FAF1: variants seen among roughly 807,000 people sequenced by gnomAD.
FAF1 encodes the protein Fas associated factor 1, also known as FAS-associated factor 1.
FAF1 carries 25 observed loss-of-function variants against 92.5 expected under a neutral mutation model. The observed-to-expected ratio is 0.27, with a 90% CI of 0.20 to 0.38. The LOEUF (loss-of-function observed/expected upper bound fraction) is 0.38, where lower values mean the gene tolerates loss of function less well. Ranked by LOEUF, FAF1 falls within the 10% of genes least tolerant of loss-of-function variation. The pLI, the probability that FAF1 is intolerant of heterozygous loss-of-function variation, is 1.00. For synonymous variants in FAF1, 234 were observed against 273.2 expected, an observed-to-expected ratio of 0.86 and a Z score of 1.42; for missense variants, 636 against 793.3, an observed-to-expected ratio of 0.80 and a Z score of 2.38.
intron 17 of FAF1, among the ~76,000 whole-genome samples, chr1:50,486,807 G>C (rs1646774790): frequency 6.6e-6 from 1 of 152,106 alleles, no homozygotes; most frequent in African/African-American, 2.4e-5. Context: ...TAAATATTGA[G>C]TGAATAAAAG....
At chr1:50,622,114 G>A (rs1040476823) in intron 8 of FAF1, among the ~76,000 whole-genome samples, 1 of 147,788 alleles carries the variant, frequency 6.8e-6, no homozygotes, top group African/African-American at 2.5e-5. Context: ...GCAGTGAGCC[G>A]AGATTACACC....
At chr1:50,905,702 A>G (rs145001798) in intron 1 of FAF1, among the ~76,000 whole-genome samples, 1,523 of 152,234 alleles carry the variant, frequency 0.01, 35 homozygotes, top group East Asian at 0.014. Flanking sequence ...GTCTGTTAAT[A>G]TCCTTCACCC....
chr1:50,927,782 C>T (rs1645017845), intron 1 of FAF1, among the ~76,000 whole-genome samples: 1 of 152,050 alleles, frequency 6.6e-6, no homozygotes, highest in Non-Finnish European at 1.5e-5. Context: ...CAGCAGTTTG[C>T]GTGTCTTCTG....
chr1:50,721,743 C>T (rs530862157), intron 6 of FAF1, among the ~76,000 whole-genome samples: 1 of 152,088 alleles, frequency 6.6e-6, no homozygotes, highest in Non-Finnish European at 1.5e-5. Flanking sequence ...TCCATCTCAG[C>T]CTCCCAAGTA....
At chr1:50,952,449 G>A (rs903594298) in intron 1 of FAF1, among the ~76,000 whole-genome samples, 5 of 152,172 alleles carry the variant, frequency 3.3e-5, no homozygotes, top group East Asian at 1.9e-4. Context: ...GCGTGATCTC[G>A]GCTCGCTACA....
chr1:50,887,474 T>C (rs1408138484), intron 1 of FAF1, among the ~76,000 whole-genome samples: 1 of 152,230 alleles, frequency 6.6e-6, no homozygotes, highest in Non-Finnish European at 1.5e-5. Flanking sequence ...TGAATGGTAT[T>C]GCCTACATTT....
intron 2 of FAF1, 55 bp from the exon 3 acceptor site, chr1:50,801,732 T>TTCTCCACCACACTTG: frequency 1.0e-6 from 1 of 999,684 alleles, no homozygotes; most frequent in Non-Finnish European, 1.6e-6. Flanking sequence ...TGCCCAAGTG[T>TTCTCCACCACACTTG]GGTGGAGAAC....
chr1:50,740,694 G>A (rs1187642386), intron 5 of FAF1, among the ~76,000 whole-genome samples: 1 of 151,854 alleles, frequency 6.6e-6, no homozygotes, highest in Admixed American at 6.6e-5. Context: ...ATGGTCCATA[G>A]TTTGAAAAAA....
chr1:50,801,592 T>C (rs1233438312), intron 3 of FAF1, 39 bp downstream of exon 3: 1 of 1,187,408 alleles, frequency 8.4e-7, no homozygotes, highest in Non-Finnish European at 1.3e-6. Flanking sequence ...TTCTTTGTTC[T>C]GCTAAGTCAT....
At chr1:50,642,675 A>C (rs1654395821) in intron 8 of FAF1, among the ~76,000 whole-genome samples, 1 of 152,006 alleles carries the variant, frequency 6.6e-6, no homozygotes, top group Non-Finnish European at 1.5e-5. Context: ...AAATAAAATA[A>C]AATTCTTGTA....
At chr1:50,738,993 GTTGA>G in intron 5 of FAF1, 39 bp from the exon 6 acceptor site, 1 of 1,208,090 alleles carries the variant, frequency 8.3e-7, no homozygotes, top group Non-Finnish European at 1.2e-6. Flanking sequence ...GAATGTTGAT[GTTGA>G]TTATTCATTA....
intron 17 of FAF1, among the ~76,000 whole-genome samples, chr1:50,484,086 T>C (rs1012280537): frequency 1.3e-5 from 2 of 152,136 alleles, no homozygotes; most frequent in Admixed American, 6.5e-5. Context: ...CCATATAATA[T>C]AGTCAATATA....
intron 12 of FAF1, among the ~76,000 whole-genome samples, chr1:50,579,854 C>CA (rs564226022): frequency 4.6e-5 from 7 of 150,752 alleles, no homozygotes; most frequent in East Asian, 1.9e-4. Flanking sequence ...ATTGTGGTTC[C>CA]AAAAAAAACA....
At chr1:50,585,221 A>G (rs1651168656) in intron 9 of FAF1, among the ~76,000 whole-genome samples, 2 of 152,312 alleles carry the variant, frequency 1.3e-5, no homozygotes, top group African/African-American at 2.4e-5. Context: ...TAGCATTTCT[A>G]AACTTTCCAC....
At chr1:50,734,787 A>AT (rs1659075235) in intron 6 of FAF1, among the ~76,000 whole-genome samples, 1 of 152,078 alleles carries the variant, frequency 6.6e-6, no homozygotes, top group Non-Finnish European at 1.5e-5. Flanking sequence ...GAGACATATG[A>AT]TTTTGAATTA....
chr1:50,608,713 G>A (rs990139717), intron 8 of FAF1, among the ~76,000 whole-genome samples: 1 of 152,198 alleles, frequency 6.6e-6, no homozygotes, highest in Admixed American at 6.5e-5. Context: ...ATGTGTCATT[G>A]TAAGGTAACT....
At chr1:50,748,314 G>T (rs1173292841) in intron 4 of FAF1, among the ~76,000 whole-genome samples, 1 of 151,088 alleles carries the variant, frequency 6.6e-6, no homozygotes, top group Non-Finnish European at 1.5e-5. Context: ...TGCCCAACAT[G>T]GTGAAACCCT....
At chr1:50,480,638 T>C (rs115527919) in intron 17 of FAF1, among the ~76,000 whole-genome samples, 1,692 of 152,346 alleles carry the variant, frequency 0.011, 31 homozygotes, top group African/African-American at 0.037. Context: ...TAAGAAAAGA[T>C]AGTATGTGCC....
chr1:50,461,871 C>T (rs1312760792), intron 18 of FAF1, among the ~76,000 whole-genome samples: 3 of 139,554 alleles, frequency 2.1e-5, no homozygotes, highest in South Asian at 4.4e-4. Context: ...CTTCTTGAAA[C>T]CAAAACACTG....
Sources: gnomAD v4.1 joint callset for allele counts (sites outside exome capture counted in the v4.1 genomes callset) on GRCh38, gnomAD v4.1.1 for gene constraint, MANE v1.5 for transcripts, NCBI Gene and HGNC (gene_info 2026-07-23, HGNC 2026-07-21) for gene names.